The following DDX3X variants were observed in gnomAD, a reference collection of about 807,000 sequenced individuals.
DDX3X encodes DEAD-box helicase 3 X-linked.
DDX3X carries 4 observed loss-of-function variants against 52.7 expected under a neutral mutation model. That is an observed-to-expected ratio of 0.08 (90% confidence interval 0.04 to 0.17). The LOEUF is 0.17. Ranked by LOEUF, DDX3X falls within the 10% of genes least tolerant of loss-of-function variation. The pLI is 1.00. For missense variants in DDX3X, 222 were observed against 548.6 expected (o/e 0.40, Z 5.95); for synonymous variants, 192 against 178.1 (o/e 1.08, Z -0.62).
intron 3 of DDX3X, chrX:41,340,277 T>A (rs1030218309): frequency 2.7e-5 from 3 of 112,028 alleles, no homozygotes; most frequent in African/African-American, 9.8e-5. Flanking sequence ...TTCTCAATAT[T>A]CCTAGTATAC....
chrX:41,343,134 T>C, intron 6 of DDX3X, 82 bp from the exon 7 acceptor site: 1 of 1,023,554 alleles, frequency 9.8e-7, no homozygotes, highest in South Asian at 2.1e-5. Context: ...ACCAATCAGC[T>C]GTTGGTTGGT....
Position 41,346,392 on chromosome X carries a change from A to T in DDX3X, c.1479A>T (p.Pro493=). 8.3e-7 allele frequency: 1 copy of T among 1,210,128 alleles called. No homozygotes were observed. Among genetic ancestry groups the T allele is most frequent in the Non-Finnish European group, 1.1e-6 (1 of 894,694 alleles). Reference sequence around the variant, plus strand: ...ACCAGTTCCGCTCAGGAAAAAGCCCAATTTTAGTGGCTACAGCAGTATGTA... The same window carrying T: ...ACCAGTTCCGCTCAGGAAAAAGCCCTATTTTAGTGGCTACAGCAGTATGTA... ...ALHQFRSGKS[P]ILVATAVAAR... is the part of the protein sequence containing the mutation. The change falls in exon 13 of 17, where the codon CCA becomes CCT. Residue 493 remains proline, a synonymous_variant. Coordinates refer to ENST00000644876, the MANE Select transcript of DDX3X (RefSeq NM_001356.5).
chrX:41,361,340 G>A (rs1286053027), intron 5 of DDX3X, among the ~76,000 whole-genome samples: 1 of 108,878 alleles, frequency 9.2e-6, no homozygotes, highest in Non-Finnish European at 1.9e-5. Flanking sequence ...GTGAAACCCT[G>A]TCTGTACTGA....
intron 1 of DDX3X, chrX:41,334,624 G>T (rs971057323): frequency 2.8e-6 from 3 of 1,082,108 alleles, no homozygotes; most frequent in East Asian, 4.0e-5. Context: ...AGTGACCTGG[G>T]GGGGTTTGCG....
chrX:41,361,224 C>T (rs908774970), intron 5 of DDX3X, among the ~76,000 whole-genome samples: 3 of 109,331 alleles, frequency 2.7e-5, no homozygotes, highest in Non-Finnish European at 5.7e-5. Flanking sequence ...TCCTATAAGT[C>T]ACAGTCGGCC....
intron 5 of DDX3X, among the ~76,000 whole-genome samples, chrX:41,359,184 C>T (rs1351674682): frequency 8.9e-6 from 1 of 112,717 alleles, no homozygotes; most frequent in Non-Finnish European, 1.9e-5. Flanking sequence ...ACTGGGAAAA[C>T]TAAGTGATTT....
At chrX:41,339,230 T>C (rs2063813427) in intron 3 of DDX3X, 147 bp downstream of exon 3, 3 of 257,737 alleles carry the variant, frequency 1.2e-5, no homozygotes, top group Non-Finnish European at 2.2e-5. Context: ...ATACTAGAGC[T>C]TAATAATTTT....
intron 5 of DDX3X, among the ~76,000 whole-genome samples, chrX:41,362,249 C>T (rs1385476332): frequency 2.7e-5 from 3 of 110,007 alleles, no homozygotes; most frequent in Non-Finnish European, 5.7e-5. Context: ...CCACCACGCC[C>T]GGCTAATTTT....
At chrX:41,362,693 A>G (rs2064034101) in intron 5 of DDX3X, among the ~76,000 whole-genome samples, 1 of 112,215 alleles carries the variant, frequency 8.9e-6, no homozygotes, top group Non-Finnish European at 1.9e-5. Flanking sequence ...AGGAAGCGCT[A>G]CAGAAAAGAC....
At chrX:41,336,934 C>A (rs1473690738) in intron 1 of DDX3X, among the ~76,000 whole-genome samples, 1 of 111,880 alleles carries the variant, frequency 8.9e-6, no homozygotes, top group Non-Finnish European at 1.9e-5. Flanking sequence ...TTTGTCCTGA[C>A]ATTTTTCAGG....
chrX:41,346,480 A>G (rs747076547), intron 13 of DDX3X, 25 bp from the exon 14 acceptor site: 1 of 1,190,114 alleles, frequency 8.4e-7, no homozygotes, highest in East Asian at 3.0e-5. Flanking sequence ...TAAGTGGGCC[A>G]TATCTCATAA....
chrX:41,333,719 A>C (rs2063709853), upstream of DDX3X: 1 of 111,793 alleles, frequency 8.9e-6, no homozygotes, highest in African/African-American at 3.3e-5. Context: ...AGGAAAAAAA[A>C]AACAAAAACA....
At chrX:41,346,132 A>G (rs929903995) in intron 12 of DDX3X, 97 bp from the exon 13 acceptor site, 14 of 728,099 alleles carry the variant, frequency 1.9e-5, no homozygotes, top group East Asian at 1.3e-4. Flanking sequence ...AAGAAGATAT[A>G]TATGTATTTT....
At chrX:41,336,663 G>A (rs1346032494) in intron 1 of DDX3X, 1 of 111,159 alleles carries the variant, frequency 9.0e-6, no homozygotes, top group Non-Finnish European at 1.9e-5. Context: ...CCAGCTACTC[G>A]GGGAGGTGGA....
At chrX:41,356,685 T>A (rs1247580715) in intron 5 of DDX3X, among the ~76,000 whole-genome samples, 7 of 109,124 alleles carry the variant, frequency 6.4e-5, no homozygotes, top group African/African-American at 1.3e-4. Context: ...AGGGTGGTCT[T>A]GATCTCCCAC....
intron 1 of DDX3X, 72 bp from the exon 2 acceptor site, chrX:41,337,336 G>T: frequency 1.1e-6 from 1 of 949,803 alleles, no homozygotes; most frequent in Middle Eastern, 2.6e-4. Context: ...GCAAATGCTA[G>T]AGGGCAGGAC....
At position 41,347,462 on chromosome X, in the gene DDX3X, T is replaced by C. The variant is rs772902981; in HGVS notation, c.1909+11T>C. On this transcript the variant is annotated intron_variant, in intron 16 of 16. Transcript: ENST00000644876. ...GAGGATTTGGTGGAGGTAGTGTTAA[T>C]CTGTAACTTCATAGCTTTGGGAAGG... 8.3e-6 allele frequency: 10 copies of C among 1,201,870 alleles called. No homozygotes were observed. The East Asian group carries it at 3.0e-4, about 36-fold the overall frequency.
At chrX:41,361,506 G>A (rs1412690703) in intron 5 of DDX3X, among the ~76,000 whole-genome samples, 2 of 110,418 alleles carry the variant, frequency 1.8e-5, no homozygotes, top group Non-Finnish European at 3.8e-5. Flanking sequence ...GTGAGATTCT[G>A]TCTCAAAAAA....
At chrX:41,362,083 C>CT (rs1176759189) in intron 5 of DDX3X, among the ~76,000 whole-genome samples, 15,824 of 72,627 alleles carry the variant, frequency 0.22, 1,953 homozygotes, top group East Asian at 0.45. Context: ...AAATAATTAA[C>CT]TTTTTTTTTT....
Sources: allele counts gnomAD v4.1 joint callset (sites outside exome capture counted in the v4.1 genomes callset), GRCh38; gene constraint gnomAD v4.1.1; transcripts MANE v1.5; gene names NCBI Gene and HGNC (gene_info 2026-07-23, HGNC 2026-07-21).